Variants in GYPB observed in about 807,000 individuals in gnomAD.
The protein encoded by GYPB is glycophorin B (MNS blood group).
Under a neutral mutation model 15.3 loss-of-function variants are expected in GYPB, and 13 were observed. The observed-to-expected ratio is 0.85, with a 90% CI of 0.55 to 1.35. The LOEUF (loss-of-function observed/expected upper bound fraction) is 1.35. GYPB is among the 40% of genes most tolerant of loss of function. The probability of loss-of-function intolerance (pLI) is 0.00; values close to 1 mark genes in which losing one functional copy is unlikely to be tolerated. For synonymous variants in GYPB, 38 were observed against 36.9 expected (o/e 1.03, Z -0.11); for missense variants, 131 against 108.3 (o/e 1.21, Z -0.93).
chr4:144,014,741 A>G (rs139790967), intron 1 of GYPB, among the ~76,000 whole-genome samples: 1,889 of 151,518 alleles, frequency 0.012, 142 homozygotes, highest in African/African-American at 0.044. Flanking sequence ...AAATGCTACC[A>G]ATTGTACACT....
In GYPB at chr4:144,002,686, C is replaced by T. The variant is rs770095304; in HGVS notation, c.38-1403G>A. The T allele has an allele frequency of 3.4e-5, 44 of 1,286,644 alleles. 5 individuals carry two copies. The African/African-American group carries it at 6.5e-4, about 19-fold the overall frequency. 79.7% of individuals were successfully genotyped at this position (1,286,644 alleles called of 1,614,324 possible). ...CAACTTGGCCCCTCAGCTGAATGCT[C>T]AAAGTTTCCTGGAGAGCACACAAAT... On this transcript the variant is annotated intron_variant, in intron 1 of 4. Coordinates refer to ENST00000502664, the MANE Select transcript of GYPB (RefSeq NM_002100.6).
chr4:144,008,581 A>C (rs1481687908), intron 1 of GYPB: 3 of 440,974 alleles, frequency 6.8e-6, no homozygotes. Flanking sequence ...AATCCTCAGA[A>C]CAAAAGGGGA....
At chr4:144,001,132 C>T (rs1727598565) in intron 2 of GYPB, 53 bp downstream of exon 2, 6 of 1,612,010 alleles carry the variant, frequency 3.7e-6, no homozygotes, top group Middle Eastern at 3.3e-4. Flanking sequence ...AATAGGGTTG[C>T]ATCACAAAAA....
At chr4:144,012,433 A>C (rs1402239824) in intron 1 of GYPB, 3 of 151,540 alleles carry the variant, frequency 2.0e-5, no homozygotes, top group Admixed American at 6.6e-5. Context: ...GAACAGATTA[A>C]GTTAAAATGC....
intron 2 of GYPB, among the ~76,000 whole-genome samples, chr4:144,000,848 C>G (rs1334300988): frequency 2.6e-5 from 4 of 151,202 alleles, no homozygotes; most frequent in Admixed American, 2.6e-4. Flanking sequence ...AGAGCTGAGC[C>G]CAGGTCTGAG....
intron 3 of GYPB, among the ~76,000 whole-genome samples, chr4:143,998,543 GC>G (rs1156299259): frequency 1.4e-5 from 2 of 144,222 alleles, no homozygotes; most frequent in African/African-American, 5.4e-5. Flanking sequence ...CATGGACACG[GC>G]CAAGTGTGAA....
intron 1 of GYPB, among the ~76,000 whole-genome samples, chr4:144,005,333 A>G (rs1238525939): frequency 3.3e-5 from 5 of 151,958 alleles, no homozygotes; most frequent in Admixed American, 2.0e-4. Flanking sequence ...AGATGTTGTC[A>G]GCAAGATTTC....
intron 1 of GYPB, among the ~76,000 whole-genome samples, chr4:144,004,269 T>A (rs1727769901): frequency 6.6e-6 from 1 of 151,894 alleles, no homozygotes; most frequent in Admixed American, 6.5e-5. Context: ...TCCTCAACAA[T>A]CTCATAATGG....
At chr4:144,017,696 TG>T (rs760070895) in intron 1 of GYPB, among the ~76,000 whole-genome samples, 9 of 151,444 alleles carry the variant, frequency 5.9e-5, no homozygotes, top group Admixed American at 2.6e-4. Flanking sequence ...TCCCAAATGC[TG>T]GGCACACCCC....
chr4:144,001,347 A>G, intron 1 of GYPB, 64 bp from the exon 2 acceptor site: 2 of 1,611,914 alleles, frequency 1.2e-6, no homozygotes, highest in Non-Finnish European at 1.7e-6. Context: ...CATAAAGCAT[A>G]TCACAAAAGA....
intron 2 of GYPB, 121 bp downstream of exon 2, chr4:144,001,064 C>T (rs932228148): frequency 3.3e-6 from 5 of 1,525,626 alleles, no homozygotes; most frequent in Non-Finnish European, 4.5e-6. Context: ...TAGGCTGTGT[C>T]TACTTAGCTC....
chr4:144,016,019 C>T (rs1228880266), intron 1 of GYPB, among the ~76,000 whole-genome samples: 1 of 150,622 alleles, frequency 6.6e-6, no homozygotes, highest in Non-Finnish European at 1.5e-5. Context: ...GACACATAAG[C>T]GAAGACACAG....
At chr4:144,003,759 TTGG>T (rs1344473272) in intron 1 of GYPB, among the ~76,000 whole-genome samples, 2 of 151,316 alleles carry the variant, frequency 1.3e-5, no homozygotes, top group Non-Finnish European at 1.5e-5. Flanking sequence ...AAAAGAGCAC[TTGG>T]TGGAAATTTT....
At chr4:144,005,389 A>G (rs773999991) in intron 1 of GYPB, among the ~76,000 whole-genome samples, 12 of 151,962 alleles carry the variant, frequency 7.9e-5, no homozygotes, top group Non-Finnish European at 1.6e-4. Context: ...GGCATATTGT[A>G]CATACAAAAA....
chr4:144,018,668 A>C (rs564086184), intron 1 of GYPB, among the ~76,000 whole-genome samples: 1 of 151,434 alleles, frequency 6.6e-6, no homozygotes, highest in African/African-American at 2.5e-5. Context: ...TATGATATTT[A>C]TTTTAATGGA....
At chr4:144,010,412 T>C (rs1728156657) in intron 1 of GYPB, among the ~76,000 whole-genome samples, 2 of 151,528 alleles carry the variant, frequency 1.3e-5, no homozygotes, top group Non-Finnish European at 2.9e-5. Flanking sequence ...AAGACTGAAG[T>C]AAGCTATGAC....
At chr4:143,996,441 G>C (rs1481517092) in intron 4 of GYPB, 137 bp from the exon 5 acceptor site, 1 of 1,477,540 alleles carries the variant, frequency 6.8e-7, no homozygotes, top group Non-Finnish European at 9.2e-7. Context: ...GGGTACCTAG[G>C]GGTGTTGCCA....
chr4:144,003,556 T>A (rs1441845310), intron 1 of GYPB, among the ~76,000 whole-genome samples: 3 of 151,554 alleles, frequency 2.0e-5, no homozygotes, highest in Non-Finnish European at 1.5e-5. Flanking sequence ...TTCATTATTT[T>A]AATTTTAAAT....
chr4:144,002,654 A>G, intron 1 of GYPB: 3 of 1,286,228 alleles, frequency 2.3e-6, no homozygotes, highest in Non-Finnish European at 3.0e-6. Context: ...TTCTTCTCAG[A>G]GGCAGCCAAC....
Sources: gnomAD v4.1 joint callset for allele counts (sites outside exome capture counted in the v4.1 genomes callset) on GRCh38, gnomAD v4.1.1 for gene constraint, MANE v1.5 for transcripts, NCBI Gene and HGNC (gene_info 2026-07-23, HGNC 2026-07-21) for gene names.